The following KANK1 variants were observed in gnomAD, a reference collection of about 807,000 sequenced individuals.
The protein encoded by KANK1 is KN motif and ankyrin repeat domain-containing protein 1.
In KANK1, 109 loss-of-function variants were observed where a neutral mutation model predicts 106.2. That is an observed-to-expected ratio of 1.03 (90% CI 0.88 to 1.20). KANK1 has a LOEUF of 1.20. Among genes scored for constraint, KANK1 ranks in the 50% most tolerant of loss-of-function variants. The probability of loss-of-function intolerance (pLI) is 0.00; values close to 1 mark genes in which losing one functional copy is unlikely to be tolerated. For missense variants in KANK1, 2,399 were observed against 1,710.7 expected, an observed-to-expected ratio of 1.40 and a Z score of -7.10; for synonymous variants, 873 against 652.2, an observed-to-expected ratio of 1.34 and a Z score of -5.16.
intron 1 of KANK1, among the ~76,000 whole-genome samples, chr9:638,998 T>C (rs1837769024): frequency 6.6e-6 from 1 of 152,198 alleles, no homozygotes; most frequent in African/African-American, 2.4e-5. Flanking sequence ...GTCAGTGATC[T>C]AGAAGCTTCA....
chr9:722,107 G>A (rs920851129), intron 3 of KANK1, among the ~76,000 whole-genome samples: 1 of 152,182 alleles, frequency 6.6e-6, no homozygotes, highest in African/African-American at 2.4e-5. Context: ...TTCATTCCTA[G>A]GCACAGGCCA....
intron 1 of KANK1, among the ~76,000 whole-genome samples, chr9:655,370 TAA>T (rs59311073): frequency 1.7e-4 from 24 of 137,838 alleles, no homozygotes; most frequent in Non-Finnish European, 2.8e-4. Flanking sequence ...AAATTCTGTC[TAA>T]AAAAAAAAAA....
intron 10 of KANK1, 150 bp from the exon 11 acceptor site, chr9:744,341 A>G: frequency 1.4e-6 from 1 of 736,154 alleles, no homozygotes; most frequent in Non-Finnish European, 2.1e-6. Flanking sequence ...TCACCCTTAG[A>G]GGTCCCAAAA....
upstream of KANK1, among the ~76,000 whole-genome samples, chr9:501,413 A>AT (rs1215569327): frequency 6.7e-6 from 1 of 148,700 alleles, no homozygotes; most frequent in African/African-American, 2.6e-5. Context: ...CACAAACTTT[A>AT]TAAAAAAAAA....
chr9:506,810 A>T lies in KANK1; in HGVS notation c.-84+2056A>T, dbSNP rs572526177. 3.9e-5 allele frequency among the ~76,000 whole-genome samples: 6 copies of T among 152,250 alleles called. No homozygotes were observed. In the East Asian group the frequency reaches 9.6e-4, roughly 24 times the overall value. ...AAAAGGATCTAGTTGGGGGCAGTGC[A>T]AGGAACTGGGAAGAGGAATGGGATA... On this transcript the variant is annotated intron_variant, in intron 1 of 11. Transcript: ENST00000382297.
intron 3 of KANK1, chr9:477,919 C>T (rs1400895391): frequency 1.9e-5 from 3 of 154,466 alleles, no homozygotes; most frequent in African/African-American, 2.4e-5. Flanking sequence ...TGGTGGAAAA[C>T]TGGGTACCAT....
intron 1 of KANK1, among the ~76,000 whole-genome samples, chr9:614,619 C>T (rs1831358789): frequency 6.6e-6 from 1 of 152,028 alleles, no homozygotes; most frequent in Non-Finnish European, 1.5e-5. Flanking sequence ...GGCCCTTGCC[C>T]ACTAAATGCC....
Position 710,944 on chromosome 9 carries a change from A to G in KANK1, c.178A>G (p.Arg60Gly). ...CATACAGAAGGGAAATACCATCAAA[A>G]GACTGAACATCCAGAAGAGGCGGAA... ...DDIQKGNTIK[R>G]LNIQKRRKPS... The change falls in exon 3 of 12, where the codon AGA (arginine) becomes GGA (glycine). Residue 60 changes from arginine (R) to glycine (G), a missense_variant. Physicochemically the swap from Arg to Gly is moderately radical, Grantham distance 125 (BLOSUM62 -2). Coordinates refer to ENST00000382297, the MANE Select transcript of KANK1 (RefSeq NM_015158.5). 2.5e-6 allele frequency: 4 copies of G among 1,614,198 alleles called. No homozygotes were observed. The highest frequency in any genetic ancestry group is 3.4e-6 in the Non-Finnish European group (4 of 1,180,026).
intron 1 of KANK1, chr9:549,373 T>C (rs2061134741): frequency 6.6e-6 from 1 of 152,364 alleles, no homozygotes; most frequent in Non-Finnish European, 1.5e-5. Flanking sequence ...ACTTCGTTCA[T>C]GTTCAGGCTC....
intron 1 of KANK1, among the ~76,000 whole-genome samples, chr9:641,255 G>C (rs1470328251): frequency 6.6e-6 from 1 of 152,178 alleles, no homozygotes; most frequent in Non-Finnish European, 1.5e-5. Context: ...TATGTTTAAG[G>C]ATAGTCTGGA....
intron 1 of KANK1, among the ~76,000 whole-genome samples, chr9:612,502 C>T (rs1046312099): frequency 5.9e-5 from 9 of 152,232 alleles, no homozygotes; most frequent in Admixed American, 2.0e-4. Flanking sequence ...GTGTCATCAT[C>T]TTTATGCCTT....
intron 3 of KANK1, among the ~76,000 whole-genome samples, chr9:718,939 T>C (rs1446185525): frequency 1.3e-5 from 2 of 150,530 alleles, no homozygotes; most frequent in African/African-American, 2.4e-5. Flanking sequence ...AAAGAGTGAA[T>C]TCATGCTCGA....
At chr9:695,615 G>T (rs937026344) in intron 2 of KANK1, among the ~76,000 whole-genome samples, 2 of 148,420 alleles carry the variant, frequency 1.3e-5, no homozygotes, top group African/African-American at 4.9e-5. Flanking sequence ...TCGTGGGGGG[G>T]GGGGCAAGGT....
chr9:690,133 CAAAAAAAAA>C (rs57837964), intron 2 of KANK1, among the ~76,000 whole-genome samples: 12 of 61,662 alleles, frequency 1.9e-4, no homozygotes, highest in African/African-American at 3.8e-4. Context: ...TCTAAAAATA[CAAAAAAAAA>C]AAAAAAAAAA....
intron 1 of KANK1, among the ~76,000 whole-genome samples, chr9:529,756 G>T (rs1349715406): frequency 6.6e-6 from 1 of 152,156 alleles, no homozygotes; most frequent in Non-Finnish European, 1.5e-5. Context: ...GGGTAACTTT[G>T]TACGTGTATT....
intron 3 of KANK1, among the ~76,000 whole-genome samples, chr9:488,660 G>C (rs1211225325): frequency 6.6e-6 from 1 of 152,176 alleles, no homozygotes; most frequent in Non-Finnish European, 1.5e-5. Flanking sequence ...GCTGCATACA[G>C]ACAGTGTAAA....
intron 1 of KANK1, among the ~76,000 whole-genome samples, chr9:530,293 C>A (rs1042963788): frequency 6.6e-6 from 1 of 152,134 alleles, no homozygotes; most frequent in African/African-American, 2.4e-5. Context: ...AAAAGGCGTT[C>A]CCCATCTTAA....
intron 1 of KANK1, among the ~76,000 whole-genome samples, chr9:617,702 G>A (rs1033964247): frequency 2.6e-5 from 4 of 152,208 alleles, no homozygotes; most frequent in African/African-American, 9.7e-5. Flanking sequence ...CTGATAGGCT[G>A]ACAGTCTGCA....
At chr9:653,812 C>G (rs563807107) in intron 1 of KANK1, among the ~76,000 whole-genome samples, 1 of 152,154 alleles carries the variant, frequency 6.6e-6, no homozygotes, top group African/African-American at 2.4e-5. Flanking sequence ...GATGAACAAG[C>G]CTCATCACAT....
Sources: allele counts gnomAD v4.1 joint callset (sites outside exome capture counted in the v4.1 genomes callset), GRCh38; gene constraint gnomAD v4.1.1; transcripts MANE v1.5; gene names NCBI Gene and HGNC (gene_info 2026-07-23, HGNC 2026-07-21).